LRIG2: variants seen among roughly 807,000 people sequenced by gnomAD.
The protein encoded by LRIG2 is leucine rich repeats and immunoglobulin like domains 2.
LRIG2 carries 93 observed loss-of-function variants against 107.8 expected under a neutral mutation model. The ratio of observed to expected loss-of-function variants is 0.86; its 90% CI spans 0.73 to 1.03. The LOEUF (loss-of-function observed/expected upper bound fraction) is 1.03. Ranked by LOEUF, LRIG2 falls within the 50% of genes least tolerant of loss-of-function variation. The pLI is 0.00. For synonymous variants in LRIG2, 471 were observed against 470.6 expected (o/e 1.00, Z -0.01); for missense variants, 1,226 against 1,296.0 (o/e 0.95, Z 0.83).
chr1:113,116,246 C>T lies in LRIG2; in HGVS notation c.2531-41C>T, dbSNP rs183460152. The T allele has an allele frequency of 1.9e-6, 3 of 1,570,610 alleles. No homozygotes were observed. The Admixed American group carries it at 5.4e-5, about 28-fold the overall frequency. On this transcript the variant is annotated intron_variant, in intron 15 of 17. Coordinates refer to ENST00000361127, the MANE Select transcript of LRIG2 (RefSeq NM_014813.3). The stretch of plus-strand genomic sequence containing the variant: ...AAAATAGTCTTCTGAGTGTTGGCTT[C>T]AACTGCCTACCTTTGAGAGTTAAAA...
At chr1:113,094,193 A>C (rs1653947548) in intron 4 of LRIG2, 146 bp from the exon 5 acceptor site, 2 of 557,734 alleles carry the variant, frequency 3.6e-6, no homozygotes, top group East Asian at 3.0e-5. Flanking sequence ...AGATGAAGAA[A>C]CAGAGCAGTT....
intron 17 of LRIG2, among the ~76,000 whole-genome samples, chr1:113,123,118 G>T (rs186333298): frequency 5.9e-5 from 9 of 152,350 alleles, no homozygotes; most frequent in African/African-American, 1.7e-4. Context: ...CATGCTAGGA[G>T]TTGGAAGGGA....
intron 1 of LRIG2, among the ~76,000 whole-genome samples, chr1:113,085,441 T>G (rs539348860): frequency 2.0e-5 from 3 of 152,298 alleles, no homozygotes; most frequent in African/African-American, 7.2e-5. Context: ...TGCGCCACCA[T>G]GCCTGGCTAA....
intron 11 of LRIG2, among the ~76,000 whole-genome samples, chr1:113,105,695 C>T (rs929100168): frequency 1.3e-5 from 2 of 152,076 alleles, no homozygotes; most frequent in South Asian, 4.2e-4. Context: ...GGAGGATCCT[C>T]TGAGTCCAGG....
chr1:113,102,430 C>T (rs910527726), intron 11 of LRIG2, among the ~76,000 whole-genome samples: 4 of 151,798 alleles, frequency 2.6e-5, no homozygotes, highest in Non-Finnish European at 4.4e-5. Flanking sequence ...CAACCACGCC[C>T]GGTTAATTTT....
Position 113,116,437 on chromosome 1 carries a change from G to T in LRIG2, c.2680+1G>T, listed in dbSNP as rs377277816. ...GGATATATACACAAAGGCACTGACGGTAATGACTCTGTTGTTTATGGTTAC... is the reference window on the plus strand; with the variant it reads ...GGATATATACACAAAGGCACTGACGTTAATGACTCTGTTGTTTATGGTTAC... On this transcript the variant is annotated splice_donor_variant, in intron 16 of 17. Coordinates refer to ENST00000361127, the MANE Select transcript of LRIG2 (RefSeq NM_014813.3). LOFTEE classifies it high-confidence loss of function. The T allele has an allele frequency of 4.7e-6, 7 of 1,502,600 alleles. No individual in the cohort carries two copies. Among genetic ancestry groups the T allele is most frequent in the Non-Finnish European group, 6.2e-6 (7 of 1,120,928 alleles). 93.1% of individuals were successfully genotyped at this position (1,502,600 alleles called of 1,614,324 possible). A position where few individuals can be genotyped will look rare whatever the true frequency, so the allele number is the denominator to read the frequency against.
Position 113,096,266 on chromosome 1 carries a change from T to C in LRIG2, c.992T>C (p.Phe331Ser), listed in dbSNP as rs762263655. ...CTGACCCGCCTGGATGAATCTGCCT[T>C]TGTGGGTCTGAGCTTATTGGAGAGA... ...NQLTRLDESAFVGLSLLERLN... is the reference protein window; with the variant it reads ...NQLTRLDESASVGLSLLERLN... Residue 331 changes from phenylalanine to serine, a missense_variant, in exon 8 of 18, where the codon TTT (phenylalanine) becomes TCT (serine). Physicochemically the swap from Phe to Ser is radical, Grantham distance 155 (BLOSUM62 -2). Coordinates refer to ENST00000361127, the MANE Select transcript of LRIG2 (RefSeq NM_014813.3). 2 of 1,614,192 alleles carry C rather than the reference T, an allele frequency of 1.2e-6. No homozygotes were observed. The highest frequency in any genetic ancestry group is 1.7e-6 in the Non-Finnish European group (2 of 1,180,036).
intron 12 of LRIG2, among the ~76,000 whole-genome samples, chr1:113,109,545 T>G (rs1016111689): frequency 6.6e-6 from 1 of 152,104 alleles, no homozygotes; most frequent in Non-Finnish European, 1.5e-5. Context: ...TGAGACAGAG[T>G]CTCGCTCTTT....
Position 113,094,782 on chromosome 1 carries a change from A to G in LRIG2, c.803+27A>G, listed in dbSNP as rs987438142. ...TAAGTACTCGGGACTAGAGGTGATT[A>G]TTAGGAAAGTAGTCTGTTTGGGACT... On this transcript the variant is annotated intron_variant, in intron 6 of 17. Transcript: ENST00000361127. The G allele has an allele frequency of 3.1e-6, 5 of 1,603,258 alleles. No homozygotes were observed. The African/African-American group carries it at 4.0e-5, about 13-fold the overall frequency.
intron 11 of LRIG2, among the ~76,000 whole-genome samples, chr1:113,101,149 C>T (rs1364803261): frequency 2.0e-5 from 3 of 152,142 alleles, no homozygotes; most frequent in Admixed American, 2.0e-4. Flanking sequence ...CGGCCCACTG[C>T]AACCTCTGCC....
chr1:113,130,644 A>G lies in LRIG2; in HGVS notation c.*6543A>G, dbSNP rs900991265. 10 of 152,194 alleles carry G rather than the reference A, an allele frequency of 6.6e-5. No individual in the cohort carries two copies. The highest frequency in any genetic ancestry group is 2.4e-4 in the African/African-American group (10 of 41,448). 9.4% of individuals were successfully genotyped at this position (152,194 alleles called of 1,614,324 possible). A position where few individuals can be genotyped will look rare whatever the true frequency, so the allele number is the denominator to read the frequency against. On this transcript the variant is annotated 3_prime_UTR_variant, in exon 18 of 18. Transcript: ENST00000361127. ...ATGGAATATGGGCAAGATGACCTTT[A>G]AGGTCTTTTTCACTTTTATCATTGG...
intron 17 of LRIG2, among the ~76,000 whole-genome samples, chr1:113,122,802 T>A (rs1655321959): frequency 6.6e-6 from 1 of 152,140 alleles, no homozygotes; most frequent in South Asian, 2.1e-4. Context: ...CAAATCAGAG[T>A]CTACATTTTA....
chr1:113,093,345 C>T, intron 3 of LRIG2, 65 bp downstream of exon 3: 1 of 1,550,092 alleles, frequency 6.5e-7, no homozygotes, highest in South Asian at 1.2e-5. Context: ...TTTTTTAAAG[C>T]ACATATATTG....
intron 11 of LRIG2, among the ~76,000 whole-genome samples, chr1:113,104,889 T>G (rs1443724697): frequency 6.6e-6 from 1 of 152,160 alleles, no homozygotes; most frequent in Non-Finnish European, 1.5e-5. Flanking sequence ...GGCTCATGTC[T>G]GTAATCCCAG....
intron 1 of LRIG2, among the ~76,000 whole-genome samples, chr1:113,083,546 A>G (rs1199917553): frequency 3.3e-5 from 5 of 151,184 alleles, no homozygotes; most frequent in East Asian, 2.0e-4. Flanking sequence ...GGGTTTCTCC[A>G]TGTTGGCCAG....
At chr1:113,082,653 C>CTTAT (rs918081750) in intron 1 of LRIG2, among the ~76,000 whole-genome samples, 3 of 152,012 alleles carry the variant, frequency 2.0e-5, no homozygotes, top group East Asian at 1.9e-4. Context: ...CAGGGTCTCT[C>CTTAT]TTATTTATTT....
chr1:113,073,580 C>T lies in LRIG2; in HGVS notation c.174C>T (p.Arg58=). ...SCRIPLLDCS[R]RKLPAPSWRA... is the part of the protein sequence containing the mutation. Reference sequence around the variant, plus strand: ...GCATTCCTCTCCTGGACTGCAGTCGCAGGAAATTGCCCGCACCGAGCTGGA... The same window carrying T: ...GCATTCCTCTCCTGGACTGCAGTCGTAGGAAATTGCCCGCACCGAGCTGGA... The change falls in exon 1 of 18, where the codon CGC becomes CGT. Residue 58 remains arginine, a synonymous_variant. Coordinates refer to ENST00000361127, the MANE Select transcript of LRIG2 (RefSeq NM_014813.3). 1 of 1,613,936 alleles carries T rather than the reference C, an allele frequency of 6.2e-7. No individual in the cohort carries two copies. Among genetic ancestry groups the T allele is most frequent in the Non-Finnish European group, 8.5e-7 (1 of 1,179,968 alleles).
At chr1:113,111,354 G>C (rs1364971319) in intron 13 of LRIG2, among the ~76,000 whole-genome samples, 1 of 152,144 alleles carries the variant, frequency 6.6e-6, no homozygotes, top group African/African-American at 2.4e-5. Flanking sequence ...GTACCTTTTG[G>C]GGTACAAGTG....
At chr1:113,095,513 A>G (rs1470263396) in intron 6 of LRIG2, among the ~76,000 whole-genome samples, 3 of 151,624 alleles carry the variant, frequency 2.0e-5, no homozygotes, top group Admixed American at 2.0e-4. Flanking sequence ...GGTTCAAGCG[A>G]TTCTCCTGCC....
Sources: allele counts gnomAD v4.1 joint callset (sites outside exome capture counted in the v4.1 genomes callset), GRCh38; gene constraint gnomAD v4.1.1; transcripts MANE v1.5; gene names NCBI Gene and HGNC (gene_info 2026-07-23, HGNC 2026-07-21).